The following XIRP2 variants were observed in gnomAD, a reference collection of about 807,000 sequenced individuals.
The protein encoded by XIRP2 is xin actin binding repeat containing 2.
XIRP2 carries 236 observed loss-of-function variants against 277.0 expected under a neutral mutation model. The ratio of observed to expected loss-of-function variants is 0.85; its 90% confidence interval spans 0.77 to 0.95. The LOEUF is 0.95. Ranked by LOEUF, XIRP2 falls within the 40% of genes least tolerant of loss-of-function variation. The pLI, the probability that XIRP2 is intolerant of heterozygous loss-of-function variation, is 0.00. For missense variants in XIRP2, 4,640 were observed against 4,157.5 expected (o/e 1.12, Z -3.19); for synonymous variants, 1,490 against 1,416.5 (o/e 1.05, Z -1.17).
At chr2:167,153,943 C>T (rs1167137838) in intron 3 of XIRP2, among the ~76,000 whole-genome samples, 2 of 151,404 alleles carry the variant, frequency 1.3e-5, no homozygotes, top group Non-Finnish European at 2.9e-5. Context: ...ATGGCTGGGT[C>T]AAATGGTATT....
chr2:167,008,963 C>T (rs916132578), intron 2 of XIRP2, among the ~76,000 whole-genome samples: 6 of 151,280 alleles, frequency 4.0e-5, no homozygotes, highest in South Asian at 4.1e-4. Flanking sequence ...ATCTAATAAT[C>T]GCAATAATAT....
chr2:167,247,086 T>C lies in XIRP2; in HGVS notation c.5694T>C (p.Ala1898=). 1 of 1,612,474 alleles carries C rather than the reference T, an allele frequency of 6.2e-7. No individual in the cohort carries two copies. Among genetic ancestry groups the C allele is most frequent in the Non-Finnish European group, 8.5e-7 (1 of 1,179,484 alleles). Residue 1898 remains alanine, a synonymous_variant, in exon 9 of 11, where the codon GCT becomes GCC. Coordinates refer to ENST00000409195, the MANE Select transcript of XIRP2 (RefSeq NM_152381.6). ...CCATCCCTGGTGATATTGAAAAAGC[T>C]ATTGAATGCCTTGAAAAAGCTACAA... is the stretch of plus-strand genomic sequence containing the variant. The part of the protein sequence containing the change: ...PDAIPGDIEK[A]IECLEKATNT...
intron 2 of XIRP2, among the ~76,000 whole-genome samples, chr2:166,952,822 T>C (rs986514684): frequency 6.6e-6 from 1 of 152,032 alleles, no homozygotes; most frequent in African/African-American, 2.4e-5. Context: ...AAAGAAGGAC[T>C]GTAATTTTAT....
At chr2:166,938,127 CT>C (rs1237963071) in intron 2 of XIRP2, among the ~76,000 whole-genome samples, 1 of 152,052 alleles carries the variant, frequency 6.6e-6, no homozygotes, top group Non-Finnish European at 1.5e-5. Context: ...TATTTCTTGC[CT>C]TCTGCTAGCT....
intron 2 of XIRP2, among the ~76,000 whole-genome samples, chr2:167,023,861 T>A (rs554517914): frequency 6.6e-6 from 1 of 152,312 alleles, no homozygotes; most frequent in African/African-American, 2.4e-5. Context: ...TACTGTAGCC[T>A]TGTAGTATAA....
intron 2 of XIRP2, among the ~76,000 whole-genome samples, chr2:167,014,088 C>T (rs1687757763): frequency 1.3e-5 from 2 of 151,460 alleles, no homozygotes; most frequent in African/African-American, 4.8e-5. Context: ...TTGCTATTTG[C>T]ATAGAAATAA....
chr2:167,140,992 G>A (rs539030066), intron 3 of XIRP2: 1 of 152,204 alleles, frequency 6.6e-6, no homozygotes, highest in Non-Finnish European at 1.5e-5. Context: ...CTATTCATGA[G>A]GTCGTTCACG....
At chr2:167,063,061 CTAATG>C (rs1026946380) in intron 2 of XIRP2, among the ~76,000 whole-genome samples, 3 of 151,940 alleles carry the variant, frequency 2.0e-5, no homozygotes. Flanking sequence ...TTCTTATTCT[CTAATG>C]TAAGCCTTTA....
At chr2:166,965,543 C>T (rs1470999741) in intron 2 of XIRP2, among the ~76,000 whole-genome samples, 2 of 151,710 alleles carry the variant, frequency 1.3e-5, no homozygotes, top group South Asian at 4.2e-4. Flanking sequence ...TCTTCTTATA[C>T]AGAGGTAGTT....
intron 2 of XIRP2, among the ~76,000 whole-genome samples, chr2:167,095,521 GA>G (rs1690278957): frequency 6.6e-6 from 1 of 152,142 alleles, no homozygotes; most frequent in Non-Finnish European, 1.5e-5. Flanking sequence ...TTTTTTGCAT[GA>G]AGGGGTGTTG....
chr2:167,258,772 C>T lies in XIRP2; in HGVS notation c.*955C>T, dbSNP rs1695744273. On this transcript the variant is annotated 3_prime_UTR_variant, in exon 11 of 11. Coordinates refer to ENST00000409195, the MANE Select transcript of XIRP2 (RefSeq NM_152381.6). ...TACCCTTGTCGAGTGAAGCAAATGA[C>T]ACTGCAAATGAATATGAAATTGAGA... 5 of 1,613,274 alleles carry T rather than the reference C, an allele frequency of 3.1e-6. No individual in the cohort carries two copies. The highest frequency in any genetic ancestry group is 4.2e-6 in the Non-Finnish European group (5 of 1,179,608).
rs751235019 is a variant in XIRP2 at position 167,244,194 on chromosome 2, A to C, written c.2802A>C (p.Thr934=). The change falls in exon 9 of 11, where the codon ACA becomes ACC. Residue 934 remains threonine, a synonymous_variant. Transcript: ENST00000409195. The part of the protein sequence containing the change: ...IRKDKKEYTR[T]VKLEEVDRGD... ...AAGATAAAAAGGAGTACACACGAAC[A>C]GTGAAACTTGAAGAAGTTGACAGAG... 3.1e-6 allele frequency: 5 copies of C among 1,613,598 alleles called. No individual in the cohort carries two copies. The South Asian group carries it at 5.5e-5, about 18-fold the overall frequency.
At chr2:167,041,115 C>T (rs935143741) in intron 2 of XIRP2, among the ~76,000 whole-genome samples, 35 of 152,328 alleles carry the variant, frequency 2.3e-4, no homozygotes, top group African/African-American at 8.2e-4. Context: ...GGGCCCAGCC[C>T]TCCAGGGTTA....
Position 166,932,108 on chromosome 2 carries a change from T to A in XIRP2, c.408+28218T>A, listed in dbSNP as rs1574088791. 2.6e-5 allele frequency among the ~76,000 whole-genome samples: 4 copies of A among 152,344 alleles called. No individual in the cohort carries two copies. The South Asian group carries it at 8.3e-4, about 32-fold the overall frequency. ...TTTGTCCATCATATTAAATTGGTTT[T>A]TGTATTTTTCTGGATTTGTTGGGTA... is the stretch of plus-strand genomic sequence containing the variant. On this transcript the variant is annotated intron_variant, in intron 2 of 10. Transcript: ENST00000409195.
chr2:167,109,055 T>A (rs1468486674), intron 2 of XIRP2, among the ~76,000 whole-genome samples: 1 of 152,016 alleles, frequency 6.6e-6, no homozygotes, highest in Non-Finnish European at 1.5e-5. Flanking sequence ...CAGTGTCTGT[T>A]TTTCTACTCC....
intron 2 of XIRP2, among the ~76,000 whole-genome samples, chr2:167,114,867 C>A (rs1156868298): frequency 6.6e-6 from 1 of 152,036 alleles, no homozygotes; most frequent in Non-Finnish European, 1.5e-5. Context: ...GGGTTGGTTC[C>A]AAGTCTTTGC....
At chr2:167,023,223 TC>T (rs1231468477) in intron 2 of XIRP2, among the ~76,000 whole-genome samples, 1 of 152,240 alleles carries the variant, frequency 6.6e-6, no homozygotes, top group Non-Finnish European at 1.5e-5. Flanking sequence ...TAGCATTTTT[TC>T]ATGTGTTTTT....
In XIRP2 at chr2:166,941,570, A is replaced by G. The variant is rs144474666; in HGVS notation, c.408+37680A>G. Among the ~76,000 whole-genome samples the G allele has an allele frequency of 1.5e-3, 230 of 152,244 alleles. 8 individuals are homozygous for G. The East Asian group carries it at 0.04, about 27-fold the overall frequency. On this transcript the variant is annotated intron_variant, in intron 2 of 10. Coordinates refer to ENST00000409195, the MANE Select transcript of XIRP2 (RefSeq NM_152381.6). ...GAGCTGTAGACTGGAGCTGTTCCTA[A>G]TTGGCCATCTTGGAACCGCCCCTGC...
At chr2:167,085,531 T>A (rs1689910144) in intron 2 of XIRP2, among the ~76,000 whole-genome samples, 1 of 152,120 alleles carries the variant, frequency 6.6e-6, no homozygotes, top group Non-Finnish European at 1.5e-5. Context: ...CTGTCTAATG[T>A]TGACAGTGGG....
Sources: allele counts gnomAD v4.1 joint callset (sites outside exome capture counted in the v4.1 genomes callset), GRCh38; gene constraint gnomAD v4.1.1; transcripts MANE v1.5; gene names NCBI Gene and HGNC (gene_info 2026-07-23, HGNC 2026-07-21).